Variants in ITFG1 observed in about 807,000 individuals in gnomAD.
ITFG1 encodes the protein integrin alpha FG-GAP repeat containing 1.
ITFG1 carries 34 observed loss-of-function variants against 81.8 expected under a neutral mutation model. That is an observed-to-expected ratio of 0.42 (90% CI 0.32 to 0.55). The LOEUF is 0.55. Ranked by LOEUF, ITFG1 falls within the 20% of genes least tolerant of loss-of-function variation. ITFG1 has a pLI of 0.17. For synonymous variants in ITFG1, 285 were observed against 270.6 expected, an observed-to-expected ratio of 1.05 and a Z score of -0.52; for missense variants, 672 against 755.4, an observed-to-expected ratio of 0.89 and a Z score of 1.29.
intron 10 of ITFG1, among the ~76,000 whole-genome samples, chr16:47,290,969 T>G (rs186533799): frequency 1.1e-3 from 168 of 152,086 alleles, no homozygotes; most frequent in African/African-American, 3.9e-3. Flanking sequence ...TCTTTTAATA[T>G]CTGTTCTATT....
intron 12 of ITFG1, among the ~76,000 whole-genome samples, chr16:47,239,222 GAC>G (rs1965907304): frequency 6.7e-6 from 1 of 150,176 alleles, no homozygotes; most frequent in African/African-American, 2.5e-5. Flanking sequence ...TTCTTTTTGA[GAC>G]AGTCTCTTGC....
chr16:47,284,258 T>C (rs1171364754), intron 10 of ITFG1, among the ~76,000 whole-genome samples: 1 of 152,210 alleles, frequency 6.6e-6, no homozygotes, highest in Non-Finnish European at 1.5e-5. Flanking sequence ...CACAAAGTTG[T>C]TAAACAATTA....
chr16:47,337,170 G>T (rs1420315871), intron 8 of ITFG1, among the ~76,000 whole-genome samples: 1 of 148,738 alleles, frequency 6.7e-6, no homozygotes, highest in Admixed American at 6.7e-5. Context: ...GAAAAAAAAA[G>T]AAAGAAATTA....
intron 8 of ITFG1, among the ~76,000 whole-genome samples, chr16:47,322,691 C>A (rs1391767419): frequency 6.6e-6 from 1 of 152,068 alleles, no homozygotes; most frequent in Non-Finnish European, 1.5e-5. Context: ...CTCTGTCTCA[C>A]ACACACACAA....
chr16:47,324,126 A>G (rs1967492558), intron 8 of ITFG1, among the ~76,000 whole-genome samples: 1 of 152,178 alleles, frequency 6.6e-6, no homozygotes, highest in Non-Finnish European at 1.5e-5. Flanking sequence ...CTACTTTAAA[A>G]TTTTGGGATA....
At chr16:47,213,357 A>G (rs1421425806) in intron 14 of ITFG1, among the ~76,000 whole-genome samples, 1 of 152,128 alleles carries the variant, frequency 6.6e-6, no homozygotes, top group African/African-American at 2.4e-5. Context: ...TATATGCTCC[A>G]TGGGCATTTG....
At chr16:47,205,041 C>A (rs1256212074) in intron 14 of ITFG1, among the ~76,000 whole-genome samples, 1 of 152,204 alleles carries the variant, frequency 6.6e-6, no homozygotes, top group Non-Finnish European at 1.5e-5. Context: ...TACAATGCCA[C>A]ATGATGCCTG....
intron 10 of ITFG1, among the ~76,000 whole-genome samples, chr16:47,273,785 T>A (rs926076028): frequency 5.9e-5 from 9 of 151,504 alleles, no homozygotes; most frequent in Non-Finnish European, 1.0e-4. Context: ...TCTATTAGTT[T>A]GTTTGTTTAT....
At chr16:47,325,892 G>C (rs1208495949) in intron 8 of ITFG1, among the ~76,000 whole-genome samples, 1 of 152,084 alleles carries the variant, frequency 6.6e-6, no homozygotes, top group East Asian at 1.9e-4. Context: ...TTCTACCTGA[G>C]GTACAAGGAG....
chr16:47,213,068 C>CT (rs1417902414), intron 14 of ITFG1, among the ~76,000 whole-genome samples: 1 of 152,148 alleles, frequency 6.6e-6, no homozygotes, highest in Non-Finnish European at 1.5e-5. Context: ...ACTGCTTTGG[C>CT]TGTGTCCCCA....
chr16:47,328,315 C>T (rs1967588491), intron 8 of ITFG1, among the ~76,000 whole-genome samples: 1 of 151,894 alleles, frequency 6.6e-6, no homozygotes, highest in Non-Finnish European at 1.5e-5. Context: ...ACACCGGGGA[C>T]AGTTGTGGGG....
intron 11 of ITFG1, 44 bp from the exon 12 acceptor site, chr16:47,258,784 C>A (rs778777632): frequency 3.6e-6 from 3 of 826,676 alleles, no homozygotes; most frequent in South Asian, 1.9e-5. Context: ...ACTATTAGAC[C>A]AACTAAAAAA....
intron 14 of ITFG1, among the ~76,000 whole-genome samples, chr16:47,199,749 T>C (rs1025851385): frequency 6.6e-6 from 1 of 152,194 alleles, no homozygotes; most frequent in Admixed American, 6.5e-5. Context: ...CTATTGTTAT[T>C]ACACTGTAAT....
chr16:47,260,843 G>C, intron 10 of ITFG1, 148 bp from the exon 11 acceptor site: 1 of 865,188 alleles, frequency 1.2e-6, no homozygotes, highest in Non-Finnish European at 1.7e-6. Flanking sequence ...TTATAGTACT[G>C]TCATTAAAAA....
intron 10 of ITFG1, among the ~76,000 whole-genome samples, chr16:47,307,093 CAAAAAAAAAAAAAAAAAAA>C (rs371103697): frequency 6.1e-5 from 1 of 16,474 alleles, no homozygotes. Context: ...AACTCCGTCT[CAAAAAAAAAAAAAAAAAAA>C]AAAAAAAAAA....
At chr16:47,290,743 G>T (rs905090701) in intron 10 of ITFG1, among the ~76,000 whole-genome samples, 1 of 152,060 alleles carries the variant, frequency 6.6e-6, no homozygotes, top group Non-Finnish European at 1.5e-5. Context: ...GGCCATATTT[G>T]TTTTTAAATC....
intron 10 of ITFG1, among the ~76,000 whole-genome samples, chr16:47,293,181 A>AATGATATATATTATATATTATATATAAAT: frequency 7.0e-6 from 1 of 142,826 alleles, no homozygotes; most frequent in East Asian, 2.0e-4. Flanking sequence ...ATCATATACA[A>AATGATATATATTATATATTATATATAAAT]ATGATATATA....
chr16:47,437,106 G>C (rs973271770), intron 5 of ITFG1, among the ~76,000 whole-genome samples: 3 of 152,090 alleles, frequency 2.0e-5, no homozygotes, highest in Non-Finnish European at 4.4e-5. Flanking sequence ...TCCTGGAAAT[G>C]TAATATTAAG....
chr16:47,312,492 T>C (rs1217108248), intron 9 of ITFG1: 1 of 150,174 alleles, frequency 6.7e-6, no homozygotes, highest in East Asian at 1.9e-4. Context: ...TAAAGACATG[T>C]TTACAGAAAA....
Sources: allele counts gnomAD v4.1 joint callset (sites outside exome capture counted in the v4.1 genomes callset), GRCh38; gene constraint gnomAD v4.1.1; transcripts MANE v1.5; gene names NCBI Gene and HGNC (gene_info 2026-07-23, HGNC 2026-07-21).